Variants in LRMDA observed in about 807,000 individuals in gnomAD.
The protein encoded by LRMDA is leucine rich melanocyte differentiation associated.
Under a neutral mutation model 29.8 loss-of-function variants are expected in LRMDA, and 18 were observed. That is an observed-to-expected ratio of 0.60 (90% CI 0.42 to 0.90). LRMDA has a LOEUF of 0.90. Ranked by LOEUF, LRMDA falls within the 40% of genes least tolerant of loss-of-function variation. The pLI, the probability that LRMDA is intolerant of heterozygous loss-of-function variation, is 0.00. For synonymous variants in LRMDA, 125 were observed against 109.4 expected, an observed-to-expected ratio of 1.14 and a Z score of -0.89; for missense variants, 273 against 273.9, an observed-to-expected ratio of 1.00 and a Z score of 0.02.
At chr10:76,119,540 G>A (rs1445806800) in intron 5 of LRMDA, among the ~76,000 whole-genome samples, 7 of 152,148 alleles carry the variant, frequency 4.6e-5, no homozygotes, top group Admixed American at 4.6e-4. Flanking sequence ...TGCCCATCCT[G>A]TGACCATACA....
intron 5 of LRMDA, among the ~76,000 whole-genome samples, chr10:76,092,102 T>C (rs1180435215): frequency 1.3e-5 from 2 of 152,176 alleles, no homozygotes; most frequent in African/African-American, 4.8e-5. Context: ...AATTTGGCTG[T>C]ATGCAAATGG....
intron 6 of LRMDA, among the ~76,000 whole-genome samples, chr10:76,425,174 T>TA (rs760740717): frequency 6.6e-6 from 1 of 152,200 alleles, no homozygotes; most frequent in Non-Finnish European, 1.5e-5. Context: ...CAAATTTACT[T>TA]AATGTCAATA....
intron 2 of LRMDA, among the ~76,000 whole-genome samples, chr10:75,769,177 AC>A (rs1315011005): frequency 6.6e-6 from 1 of 152,248 alleles, no homozygotes. Context: ...CCGGAGACAC[AC>A]AAAATCACCA....
chr10:76,508,677 G>A (rs1211120494), intron 6 of LRMDA, among the ~76,000 whole-genome samples: 3 of 151,590 alleles, frequency 2.0e-5, no homozygotes, highest in African/African-American at 7.3e-5. Context: ...TTCTTTGTCT[G>A]GAATTAGCCA....
chr10:76,514,869 T>C (rs1279905836), intron 6 of LRMDA, among the ~76,000 whole-genome samples: 1 of 152,168 alleles, frequency 6.6e-6, no homozygotes, highest in African/African-American at 2.4e-5. Flanking sequence ...GCTAGAAATA[T>C]GAAGATAGTG....
chr10:76,229,384 G>A (rs1852019091), intron 5 of LRMDA, among the ~76,000 whole-genome samples: 1 of 152,184 alleles, frequency 6.6e-6, no homozygotes, highest in South Asian at 2.1e-4. Context: ...ATGATGTTTA[G>A]GAGAGAAGAA....
chr10:75,919,866 G>T (rs1845998762), intron 2 of LRMDA, among the ~76,000 whole-genome samples: 1 of 152,078 alleles, frequency 6.6e-6, no homozygotes, highest in East Asian at 1.9e-4. Context: ...GCCTTCTGAT[G>T]CTTCTCTGAC....
rs570123034 is a variant in LRMDA, at chr10:76,439,598, T to A, written c.601+115113T>A. ...GAGCTCCTAACCTCACTCAAGTGAG[T>A]TTGAACCACAGGACCAAGCTGGCTG... On this transcript the variant is annotated intron_variant, in intron 6 of 6. Transcript: ENST00000611255. Among the ~76,000 whole-genome samples the A allele has an allele frequency of 2.0e-5, 3 of 152,244 alleles. No individual in the cohort carries two copies. The South Asian group carries it at 6.2e-4, about 32-fold the overall frequency.
At chr10:76,470,109 T>C (rs374461777) in intron 6 of LRMDA, among the ~76,000 whole-genome samples, 6 of 152,168 alleles carry the variant, frequency 3.9e-5, no homozygotes, top group African/African-American at 1.2e-4. Context: ...CTTTCAAATA[T>C]GAAGGTGAAA....
At chr10:76,137,839 G>A (rs148166383) in intron 5 of LRMDA, among the ~76,000 whole-genome samples, 285 of 151,744 alleles carry the variant, frequency 1.9e-3, no homozygotes, top group African/African-American at 6.6e-3. Context: ...CGGAATCCTG[G>A]CAAGGCTGAA....
At chr10:75,886,840 G>T (rs1425680727) in intron 2 of LRMDA, among the ~76,000 whole-genome samples, 1 of 152,170 alleles carries the variant, frequency 6.6e-6, no homozygotes, top group African/African-American at 2.4e-5. Flanking sequence ...GTTAAGTAAA[G>T]TGTCTCAGGT....
intron 6 of LRMDA, among the ~76,000 whole-genome samples, chr10:76,382,140 G>A (rs994408102): frequency 6.6e-6 from 1 of 152,128 alleles, no homozygotes; most frequent in African/African-American, 2.4e-5. Flanking sequence ...TACTACTTCT[G>A]GGTAGAGACT....
intron 6 of LRMDA, among the ~76,000 whole-genome samples, chr10:76,365,628 G>A (rs1045504601): frequency 6.6e-6 from 1 of 152,152 alleles, no homozygotes; most frequent in Middle Eastern, 3.2e-3. Flanking sequence ...TGAGTTCGTT[G>A]TAGATTCTGG....
intron 2 of LRMDA, among the ~76,000 whole-genome samples, chr10:75,887,476 G>A (rs1845410120): frequency 6.6e-6 from 1 of 152,088 alleles, no homozygotes. Flanking sequence ...CTCTGTCTTA[G>A]CAGGCTTCAG....
At chr10:76,224,521 A>T (rs1232135506) in intron 5 of LRMDA, among the ~76,000 whole-genome samples, 1 of 152,038 alleles carries the variant, frequency 6.6e-6, no homozygotes, top group East Asian at 1.9e-4. Flanking sequence ...GCAGTGAGCC[A>T]AGGTCATGCC....
chr10:75,511,058 G>T (rs992915412), intron 2 of LRMDA, among the ~76,000 whole-genome samples: 3 of 152,158 alleles, frequency 2.0e-5, no homozygotes, highest in African/African-American at 7.2e-5. Flanking sequence ...TAAAAATAGT[G>T]TATCACACCT....
intron 2 of LRMDA, among the ~76,000 whole-genome samples, chr10:75,971,507 C>T (rs1846970031): frequency 6.6e-6 from 1 of 152,170 alleles, no homozygotes. Flanking sequence ...TCCTTTTCCT[C>T]TCTGGAAATT....
chr10:75,701,344 C>T (rs1842306021), intron 2 of LRMDA, among the ~76,000 whole-genome samples: 1 of 152,200 alleles, frequency 6.6e-6, no homozygotes. Flanking sequence ...AAGATGCCCA[C>T]ACCTATGATC....
At chr10:76,178,961 C>T (rs996574000) in intron 5 of LRMDA, among the ~76,000 whole-genome samples, 2 of 152,162 alleles carry the variant, frequency 1.3e-5, no homozygotes, top group African/African-American at 2.4e-5. Flanking sequence ...TGTTTGTTCA[C>T]AAGAGAACCC....
Sources: gnomAD v4.1 joint callset for allele counts (sites outside exome capture counted in the v4.1 genomes callset) on GRCh38, gnomAD v4.1.1 for gene constraint, MANE v1.5 for transcripts, NCBI Gene and HGNC (gene_info 2026-07-23, HGNC 2026-07-21) for gene names.